Variants in NCR1 observed in about 807,000 individuals in gnomAD.
NCR1 encodes natural cytotoxicity triggering receptor 1, also known as NK cell-activating receptor.
A neutral mutation model predicts 32.5 loss-of-function variants in NCR1; 30 were observed. The observed-to-expected ratio is 0.92, with a 90% CI of 0.69 to 1.25. NCR1 has a LOEUF of 1.25. NCR1 is among the 50% of genes most tolerant of loss of function. The pLI is 0.00. For missense variants in NCR1, 369 were observed against 380.7 expected (o/e 0.97, Z 0.26); for synonymous variants, 169 against 143.4 (o/e 1.18, Z -1.28).
intron 5 of NCR1, among the ~76,000 whole-genome samples, chr19:54,910,295 G>A (rs1233430870): frequency 2.6e-5 from 4 of 152,118 alleles, no homozygotes; most frequent in African/African-American, 7.2e-5. Context: ...ACTTAGGCTG[G>A]GCATCATGGC....
At chr19:54,923,708 C>T in the NCR1 span, 2 of 1,611,730 alleles carry the variant, frequency 1.2e-6, no homozygotes, top group Non-Finnish European at 1.7e-6. Context: ...AATCCCGCTT[C>T]CTGTGTAATT....
At chr19:54,903,134 A>C (rs2146006988), upstream of NCR1, among the ~76,000 whole-genome samples, 1 of 151,770 alleles carries the variant, frequency 6.6e-6, no homozygotes, top group Non-Finnish European at 1.5e-5. Context: ...CGTCTTAAAG[A>C]GAAAAAAAAA....
chr19:54,930,416 C>T, the NCR1 span: 1 of 938,426 alleles, frequency 1.1e-6, no homozygotes, highest in Admixed American at 1.9e-5. Context: ...GAGCCGTAAT[C>T]ACCCCACTGC....
the NCR1 span, among the ~76,000 whole-genome samples, chr19:54,898,831 G>A: frequency 1.3e-5 from 2 of 152,104 alleles, no homozygotes; most frequent in African/African-American, 4.8e-5. Context: ...CTTTTTAAGA[G>A]GAAATTGCTG....
upstream of NCR1, among the ~76,000 whole-genome samples, chr19:54,905,787 T>C (rs1358420703): frequency 3.9e-5 from 6 of 152,230 alleles, no homozygotes. Flanking sequence ...TAATTTCTTT[T>C]AATTCCTGTT....
the NCR1 span, among the ~76,000 whole-genome samples, chr19:54,899,085 C>T: frequency 2.3e-3 from 353 of 152,050 alleles, 2 homozygotes; most frequent in Middle Eastern, 6.8e-3. Context: ...AGATTTGGGA[C>T]GAGTTGCACT....
the NCR1 span, among the ~76,000 whole-genome samples, chr19:54,901,013 G>A: frequency 3.3e-5 from 5 of 151,480 alleles, no homozygotes; most frequent in Middle Eastern, 3.4e-3. Context: ...GGCCGGGTGC[G>A]GTGGCTCACG....
At chr19:54,898,532 G>A in the NCR1 span, among the ~76,000 whole-genome samples, 1 of 152,178 alleles carries the variant, frequency 6.6e-6, no homozygotes, top group Non-Finnish European at 1.5e-5. Flanking sequence ...ACACCTTGAA[G>A]GCGAGGTTAA....
chr19:54,904,214 C>T (rs587605963), upstream of NCR1, among the ~76,000 whole-genome samples: 2 of 150,488 alleles, frequency 1.3e-5, no homozygotes, highest in Admixed American at 6.6e-5. Context: ...CTTTTCTTTT[C>T]ACTTTTATTT....
rs587697787 is a variant in NCR1 at position 54,906,710 on chromosome 19, G to A, written c.258G>A (p.Pro86=). The part of the protein sequence containing the change: ...ERINKVQFYI[P]DMNSRMAGQY... ...TTAACAAAGTCCAATTCTACATCCC[G>A]GACATGAACTCCCGCATGGCAGGGC... is the stretch of plus-strand genomic sequence containing the variant. Residue 86 remains proline (P), a synonymous_variant, in exon 3 of 7, where the codon CCG becomes CCA. Coordinates refer to ENST00000291890, the MANE Select transcript of NCR1 (RefSeq NM_004829.7). 2.5e-6 allele frequency: 4 copies of A among 1,614,156 alleles called. No homozygotes were observed. Among genetic ancestry groups the A allele is most frequent in the South Asian group, 1.1e-5 (1 of 91,082 alleles).
Position 54,912,234 on chromosome 19 carries a change from G to C in NCR1, c.733+16G>C, listed in dbSNP as rs1569537558. 3 of 1,612,834 alleles carry C rather than the reference G, an allele frequency of 1.9e-6. No individual in the cohort carries two copies. The highest frequency in any genetic ancestry group is 8.5e-7 in the Non-Finnish European group (1 of 1,178,914). On this transcript the variant is annotated intron_variant, in intron 6 of 6. Transcript: ENST00000291890. ...CTCCAGAAAGGTAAGTAGACAGCTG[G>C]GGCCATAGGCTCTGAAGGAAGGGGC...
At chr19:54,925,811 C>T in the NCR1 span, among the ~76,000 whole-genome samples, 1 of 151,988 alleles carries the variant, frequency 6.6e-6, no homozygotes, top group Non-Finnish European at 1.5e-5. Flanking sequence ...CCAGCCTGGC[C>T]AACATAGTGA....
At chr19:54,935,609 C>T in the NCR1 span, among the ~76,000 whole-genome samples, 1 of 151,356 alleles carries the variant, frequency 6.6e-6, no homozygotes, top group East Asian at 2.0e-4. Context: ...GGCAGAACTG[C>T]TTGAACCCAG....
At chr19:54,914,307 C>T (rs1175726554), downstream of NCR1, among the ~76,000 whole-genome samples, 1 of 151,332 alleles carries the variant, frequency 6.6e-6, no homozygotes, top group Non-Finnish European at 1.5e-5. Flanking sequence ...GTGTGCTGCA[C>T]CCACTAACTC....
downstream of NCR1, among the ~76,000 whole-genome samples, chr19:54,917,276 C>A (rs1459974047): frequency 8.6e-5 from 13 of 151,394 alleles, no homozygotes; most frequent in Non-Finnish European, 1.8e-4. Context: ...GATTGCGCCA[C>A]TGCACTCCAG....
At chr19:54,921,188 T>C in the NCR1 span, among the ~76,000 whole-genome samples, 50 of 152,268 alleles carry the variant, frequency 3.3e-4, no homozygotes, top group South Asian at 9.9e-3. Flanking sequence ...ACCCTAAATG[T>C]TGACTCAGCC....
At chr19:54,899,344 A>G in the NCR1 span, among the ~76,000 whole-genome samples, 1 of 152,110 alleles carries the variant, frequency 6.6e-6, no homozygotes, top group Non-Finnish European at 1.5e-5. Flanking sequence ...TTTTAAGAAC[A>G]CAGGCTAAGG....
the NCR1 span, among the ~76,000 whole-genome samples, chr19:54,929,988 A>G: frequency 0.55 from 82,594 of 149,718 alleles, 23,073 homozygotes; most frequent in East Asian, 0.71. Flanking sequence ...GGTGGCGGGC[A>G]TCTGTAGTCC....
At chr19:54,900,623 C>T in the NCR1 span, among the ~76,000 whole-genome samples, 5 of 152,182 alleles carry the variant, frequency 3.3e-5, no homozygotes, top group African/African-American at 9.6e-5. Flanking sequence ...CCTGGTGATC[C>T]GCACACCTCG....
Sources: allele counts gnomAD v4.1 joint callset (sites outside exome capture counted in the v4.1 genomes callset), GRCh38; gene constraint gnomAD v4.1.1; transcripts MANE v1.5; gene names NCBI Gene and HGNC (gene_info 2026-07-23, HGNC 2026-07-21).